PTPRQ: variants seen among roughly 807,000 people sequenced by gnomAD.
PTPRQ encodes phosphatidylinositol phosphatase PTPRQ.
A neutral mutation model predicts 246.0 loss-of-function variants in PTPRQ; 199 were observed. The ratio of observed to expected loss-of-function variants is 0.81; its 90% CI spans 0.72 to 0.91. The LOEUF is 0.91. Among genes scored for constraint, PTPRQ ranks in the 40% least tolerant of loss-of-function variants. The probability of loss-of-function intolerance (pLI) is 0.00; values close to 1 mark genes in which losing one functional copy is unlikely to be tolerated. For synonymous variants in PTPRQ, 869 were observed against 853.2 expected, an observed-to-expected ratio of 1.02 and a Z score of -0.32; for missense variants, 2,624 against 2,528.4, an observed-to-expected ratio of 1.04 and a Z score of -0.81.
At chr12:80,644,673 G>A (rs1478737067) in intron 35 of PTPRQ, among the ~76,000 whole-genome samples, 1 of 151,996 alleles carries the variant, frequency 6.6e-6, no homozygotes, top group East Asian at 1.9e-4. Context: ...TCAGTGATAA[G>A]TTAGTGCATT....
In PTPRQ at chr12:80,619,428, A is replaced by G. The variant is rs1898889872; in HGVS notation, c.5275A>G (p.Thr1759Ala). 1 of 1,548,236 alleles carries G rather than the reference A, an allele frequency of 6.5e-7. No individual in the cohort carries two copies. The highest frequency in any genetic ancestry group is 8.7e-7 in the Non-Finnish European group (1 of 1,144,796). Residue 1759 changes from threonine to alanine, a missense_variant, in exon 31 of 45, where the codon ACA (threonine) becomes GCA (alanine). Thr to Ala is a moderately conservative substitution (Grantham distance 58). Coordinates refer to ENST00000644991, the MANE Select transcript of PTPRQ (RefSeq NM_001145026.2). ...CAAACCAACCCCTATTTATGATGCC[A>G]CAGGAAAACTGCTTGTGACTTCAAC... ...KTKPTPIYDA[T>A]GKLLVTSTTI...
In PTPRQ at chr12:80,472,139, G is replaced by C; in HGVS notation, c.1074G>C (p.Lys358Asn). The C allele has an allele frequency of 6.4e-7, 1 of 1,551,502 alleles. No individual in the cohort carries two copies. The highest frequency in any genetic ancestry group is 8.7e-7 in the Non-Finnish European group (1 of 1,146,936). Residue 358 changes from lysine (K) to asparagine (N), a missense_variant, in exon 8 of 45, where the codon AAG becomes AAC. Lys to Asn is a moderately conservative substitution (Grantham distance 94). Transcript: ENST00000644991. ...TGGATAACAGCACAAAAGACCTCAA[G>C]TTTGCATTCACTAACCTAACACCAT... ...RILDNSTKDL[K>N]FAFTNLTPFT...
intron 30 of PTPRQ, among the ~76,000 whole-genome samples, chr12:80,617,553 T>C (rs777499269): frequency 4.6e-5 from 7 of 151,364 alleles, no homozygotes; most frequent in Non-Finnish European, 1.0e-4. Context: ...GGTGTACAGA[T>C]AGCAATACAT....
chr12:80,536,822 G>T (rs1896001912), intron 19 of PTPRQ, among the ~76,000 whole-genome samples: 1 of 152,134 alleles, frequency 6.6e-6, no homozygotes. Context: ...GCAAATTGGA[G>T]ATTTTCCTTC....
Position 80,606,670 on chromosome 12 carries a change from T to C in PTPRQ, c.4731+1490T>C, listed in dbSNP as rs1162361512. ...TTATAATTTTATTATGTCTTTGTAG[T>C]ATTCCTTAAATGGAGATATAATGCT... On this transcript the variant is annotated intron_variant, in intron 27 of 44. Transcript: ENST00000644991. Among the ~76,000 whole-genome samples the C allele has an allele frequency of 3.3e-5, 5 of 151,012 alleles. No individual in the cohort carries two copies. The Admixed American group carries it at 3.3e-4, about 10-fold the overall frequency.
rs1308264458 is a variant in PTPRQ, at chr12:80,658,307, T to A, written c.6192+246T>A. Reference sequence around the variant, plus strand: ...CAGATGTTCAACTTCAGGCTACACATCCCTGATCTTTCCACTAATTCATAT... The same window carrying A: ...CAGATGTTCAACTTCAGGCTACACAACCCTGATCTTTCCACTAATTCATAT... On this transcript the variant is annotated intron_variant, in intron 39 of 44. Coordinates refer to ENST00000644991, the MANE Select transcript of PTPRQ (RefSeq NM_001145026.2). Among the ~76,000 whole-genome samples the A allele has an allele frequency of 2.6e-5, 4 of 152,204 alleles. No individual in the cohort carries two copies. In the East Asian group the frequency reaches 7.7e-4, roughly 29 times the overall value.
chr12:80,620,362 A>G lies in PTPRQ; in HGVS notation c.5598A>G (p.Pro1866=). 1 of 1,548,872 alleles carries G rather than the reference A, an allele frequency of 6.5e-7. No homozygotes were observed. Among genetic ancestry groups the G allele is most frequent in the South Asian group, 1.2e-5 (1 of 83,950 alleles). Reference sequence around the variant, plus strand: ...AAATTTGCAATGGACCACTGAAACCAAAAAAGCAATACTTGTAAGTATAGG... The same window carrying G: ...AAATTTGCAATGGACCACTGAAACCGAAAAAGCAATACTTGTAAGTATAGG... ...EDKICNGPLK[P]KKQYLFKFRA... is the part of the protein sequence containing the mutation. Residue 1866 remains proline (P), a synonymous_variant, in exon 32 of 45, where the codon CCA becomes CCG. Coordinates refer to ENST00000644991, the MANE Select transcript of PTPRQ (RefSeq NM_001145026.2).
intron 25 of PTPRQ, among the ~76,000 whole-genome samples, chr12:80,577,979 A>G (rs1428635732): frequency 6.6e-6 from 1 of 152,216 alleles, no homozygotes; most frequent in Non-Finnish European, 1.5e-5. Context: ...CTGAAGACAT[A>G]GTTTTAATAA....
chr12:80,521,539 G>A (rs1022869182), intron 17 of PTPRQ, among the ~76,000 whole-genome samples: 98 of 151,970 alleles, frequency 6.4e-4, no homozygotes, highest in Admixed American at 1.2e-3. Flanking sequence ...TAATTTTTGT[G>A]TAAGTTGTAA....
At chr12:80,538,250 G>A (rs959290446) in intron 19 of PTPRQ, among the ~76,000 whole-genome samples, 4 of 152,096 alleles carry the variant, frequency 2.6e-5, no homozygotes, top group African/African-American at 9.7e-5. Flanking sequence ...TTTTGTTTTT[G>A]CAAAAATAAA....
chr12:80,576,277 G>GGC, intron 25 of PTPRQ, among the ~76,000 whole-genome samples: 1 of 152,090 alleles, frequency 6.6e-6, no homozygotes, highest in East Asian at 1.9e-4. Flanking sequence ...GAGTAGCTGG[G>GGC]ACTATAGGCA....
chr12:80,593,860 G>A (rs2121040877), intron 26 of PTPRQ, among the ~76,000 whole-genome samples: 1 of 152,092 alleles, frequency 6.6e-6, no homozygotes, highest in African/African-American at 2.4e-5. Flanking sequence ...GTGTGGGTGT[G>A]AAATTAGTAT....
intron 17 of PTPRQ, among the ~76,000 whole-genome samples, chr12:80,527,762 G>A (rs1488313588): frequency 1.3e-5 from 2 of 152,032 alleles, no homozygotes; most frequent in Non-Finnish European, 2.9e-5. Context: ...AAGGTGGGCA[G>A]ATGGCTTGAT....
intron 9 of PTPRQ, among the ~76,000 whole-genome samples, chr12:80,487,757 A>C (rs1270940194): frequency 6.6e-6 from 1 of 152,092 alleles, no homozygotes; most frequent in Non-Finnish European, 1.5e-5. Flanking sequence ...TCAGGATTGC[A>C]TAGTCCCTTG....
At chr12:80,472,062 G>T (rs1483530640) in intron 7 of PTPRQ, 43 bp from the exon 8 acceptor site, 3 of 1,549,068 alleles carry the variant, frequency 1.9e-6, no homozygotes, top group Non-Finnish European at 1.7e-6. Flanking sequence ...ATGATTGCAC[G>T]CTTGATAAAA....
At chr12:80,582,566 A>C (rs928973963) in intron 25 of PTPRQ, among the ~76,000 whole-genome samples, 1 of 152,192 alleles carries the variant, frequency 6.6e-6, no homozygotes, top group Non-Finnish European at 1.5e-5. Context: ...GGACACAATA[A>C]GAAGCCAGCA....
intron 23 of PTPRQ, among the ~76,000 whole-genome samples, chr12:80,544,846 C>T (rs1896257463): frequency 6.6e-6 from 1 of 152,036 alleles, no homozygotes; most frequent in African/African-American, 2.4e-5. Flanking sequence ...TAGAATAATG[C>T]TTGAACCACT....
chr12:80,658,273 A>G (rs1900509997), intron 39 of PTPRQ, among the ~76,000 whole-genome samples: 1 of 152,046 alleles, frequency 6.6e-6, no homozygotes, highest in South Asian at 2.1e-4. Context: ...TTATTTCACC[A>G]GTGCGCGGCA....
chr12:80,486,878 C>A (rs115604438), intron 9 of PTPRQ, among the ~76,000 whole-genome samples: 1,819 of 152,266 alleles, frequency 0.012, 40 homozygotes, highest in African/African-American at 0.042. Context: ...TCTGTCCCCC[C>A]ACTTTTCAGC....
Sources: gnomAD v4.1 joint callset for allele counts (sites outside exome capture counted in the v4.1 genomes callset) on GRCh38, gnomAD v4.1.1 for gene constraint, MANE v1.5 for transcripts, NCBI Gene and HGNC (gene_info 2026-07-23, HGNC 2026-07-21) for gene names.